FBXL7: variants seen among roughly 807,000 people sequenced by gnomAD.
FBXL7 encodes the protein F-box/LRR-repeat protein 7.
In FBXL7, 12 loss-of-function variants were observed where a neutral mutation model predicts 38.3. That is an observed-to-expected ratio of 0.31 (90% CI 0.20 to 0.51). The LOEUF (loss-of-function observed/expected upper bound fraction) is 0.51. FBXL7 is among the 20% of genes least tolerant of loss of function. The probability of loss-of-function intolerance (pLI) is 0.98; values close to 1 mark genes in which losing one functional copy is unlikely to be tolerated. For missense variants in FBXL7, 567 were observed against 676.4 expected (o/e 0.84, Z 1.79); for synonymous variants, 297 against 300.9 (o/e 0.99, Z 0.13).
At chr5:15,868,814 C>A (rs573344532) in intron 2 of FBXL7, among the ~76,000 whole-genome samples, 2 of 152,150 alleles carry the variant, frequency 1.3e-5, no homozygotes, top group Non-Finnish European at 2.9e-5. Flanking sequence ...TTCAACTCAT[C>A]CCTCACCCCC....
chr5:15,778,392 A>G (rs1185519485), intron 2 of FBXL7, among the ~76,000 whole-genome samples: 1 of 151,912 alleles, frequency 6.6e-6, no homozygotes, highest in Non-Finnish European at 1.5e-5. Context: ...CGTTCTCTTC[A>G]TTTGTGGTAC....
intron 2 of FBXL7, among the ~76,000 whole-genome samples, chr5:15,849,018 C>A (rs566476841): frequency 2.6e-5 from 4 of 152,174 alleles, no homozygotes; most frequent in South Asian, 2.1e-4. Context: ...GTGTTCTTAG[C>A]GCTTAATGTA....
At chr5:15,628,952 G>A (rs12757) in intron 2 of FBXL7, among the ~76,000 whole-genome samples, 38,298 of 151,628 alleles carry the variant, frequency 0.25, 5,050 homozygotes, top group Middle Eastern at 0.29. Flanking sequence ...GACAGAATCA[G>A]TCATGTCCTC....
rs955887021 is a variant in FBXL7 at position 15,832,164 on chromosome 5, C to T, written c.128-95726C>T. Among the ~76,000 whole-genome samples, 6 of 152,090 alleles carry T rather than the reference C, an allele frequency of 3.9e-5. 1 individual carries two copies. In the South Asian group the frequency reaches 1.0e-3, roughly 26 times the overall value. On this transcript the variant is annotated intron_variant, in intron 2 of 3. Coordinates refer to ENST00000504595, the MANE Select transcript of FBXL7 (RefSeq NM_012304.5). ...AGAGTCTTGTTTCTACTAAGACTTT[C>T]GAGAGCTTGTTTTGAAGCTCTCCTT...
intron 2 of FBXL7, among the ~76,000 whole-genome samples, chr5:15,807,487 G>A (rs1209889168): frequency 6.6e-6 from 1 of 152,140 alleles, no homozygotes; most frequent in Non-Finnish European, 1.5e-5. Context: ...CCCGCTGGCT[G>A]GAGAGATCAT....
At chr5:15,767,817 A>G (rs1296639306) in intron 2 of FBXL7, among the ~76,000 whole-genome samples, 3 of 152,218 alleles carry the variant, frequency 2.0e-5, no homozygotes, top group African/African-American at 7.2e-5. Flanking sequence ...GCATACACAC[A>G]GATTATATTT....
intron 2 of FBXL7, among the ~76,000 whole-genome samples, chr5:15,883,730 C>A (rs976902349): frequency 1.3e-4 from 20 of 152,124 alleles, no homozygotes; most frequent in African/African-American, 4.6e-4. Flanking sequence ...TGGTAGTGGA[C>A]AAGAATATGT....
At chr5:15,654,507 A>G (rs1201531081) in intron 2 of FBXL7, among the ~76,000 whole-genome samples, 1 of 151,612 alleles carries the variant, frequency 6.6e-6, no homozygotes. Context: ...GATGGCTGAT[A>G]CATATTCGGA....
chr5:15,712,261 G>A (rs1207636164), intron 2 of FBXL7, among the ~76,000 whole-genome samples: 1 of 150,808 alleles, frequency 6.6e-6, no homozygotes, highest in Non-Finnish European at 1.5e-5. Flanking sequence ...CTCTTTAAAA[G>A]CCTTTATACA....
chr5:15,653,760 G>C (rs914930902), intron 2 of FBXL7, among the ~76,000 whole-genome samples: 2 of 152,138 alleles, frequency 1.3e-5, no homozygotes, highest in Non-Finnish European at 2.9e-5. Flanking sequence ...AATGGAAAAA[G>C]TTAATGAAAT....
At chr5:15,501,974 C>A (rs1255857617) in intron 1 of FBXL7, among the ~76,000 whole-genome samples, 2 of 148,226 alleles carry the variant, frequency 1.3e-5, no homozygotes, top group Admixed American at 6.7e-5. Flanking sequence ...TTAAAGGCTG[C>A]CTTTTTAGAT....
chr5:15,733,895 T>G (rs1735677608), intron 2 of FBXL7, among the ~76,000 whole-genome samples: 1 of 152,070 alleles, frequency 6.6e-6, no homozygotes, highest in Admixed American at 6.6e-5. Flanking sequence ...GTTCACAAGG[T>G]CAGGAGTTCA....
chr5:15,803,461 A>G (rs557725561), intron 2 of FBXL7, among the ~76,000 whole-genome samples: 3 of 152,168 alleles, frequency 2.0e-5, no homozygotes, highest in Admixed American at 2.0e-4. Context: ...TTCGTATTGA[A>G]TTTGGAGATT....
At chr5:15,677,013 G>T (rs992248644) in intron 2 of FBXL7, among the ~76,000 whole-genome samples, 1 of 152,224 alleles carries the variant, frequency 6.6e-6, no homozygotes, top group Non-Finnish European at 1.5e-5. Flanking sequence ...GACATTAAGT[G>T]CTTGTGGTAA....
In FBXL7 at chr5:15,928,791, C is replaced by T. The variant is rs188466361; in HGVS notation, c.739+290C>T. On this transcript the variant is annotated intron_variant, in intron 3 of 3. Coordinates refer to ENST00000504595, the MANE Select transcript of FBXL7 (RefSeq NM_012304.5). This position sits in a 1 kb window ranked among gnomAD's most constrained non-coding sequence, Gnocchi z 4.0. ...GGTTAGTTACATATGTATACATGTG[C>T]CATGTTGGTGTGCTGCACCCATTAA... Among the ~76,000 whole-genome samples, 50 of 152,230 alleles carry T rather than the reference C, an allele frequency of 3.3e-4. No individual in the cohort carries two copies. Among genetic ancestry groups the T allele is most frequent in the Non-Finnish European group, 6.3e-4 (43 of 68,014 alleles).
chr5:15,783,082 A>G (rs1187517394), intron 2 of FBXL7, among the ~76,000 whole-genome samples: 1 of 152,108 alleles, frequency 6.6e-6, no homozygotes, highest in East Asian at 1.9e-4. Flanking sequence ...TGACAGGTGA[A>G]CCCACAGCAG....
chr5:15,576,757 C>T (rs2126461040), intron 1 of FBXL7, among the ~76,000 whole-genome samples: 2 of 152,046 alleles, frequency 1.3e-5, no homozygotes, highest in Middle Eastern at 6.8e-3. Context: ...AGTTGGCCGC[C>T]TGAGGTTTGG....
chr5:15,659,257 G>T (rs1287652824), intron 2 of FBXL7, among the ~76,000 whole-genome samples: 2 of 151,626 alleles, frequency 1.3e-5, no homozygotes, highest in Non-Finnish European at 2.9e-5. Context: ...ATATGCAAAT[G>T]ATCTAAACAG....
intron 2 of FBXL7, among the ~76,000 whole-genome samples, chr5:15,826,961 G>A (rs1738330899): frequency 6.7e-6 from 1 of 150,162 alleles, no homozygotes; most frequent in South Asian, 2.2e-4. Flanking sequence ...AAAGGATGAT[G>A]GATCTAGCTA....
Sources: allele counts gnomAD v4.1 joint callset (sites outside exome capture counted in the v4.1 genomes callset), GRCh38; gene constraint gnomAD v4.1.1; non-coding constraint Gnocchi (gnomAD v3.1); transcripts MANE v1.5; gene names NCBI Gene and HGNC (gene_info 2026-07-23, HGNC 2026-07-21).